Variants in SKIC3 observed in about 807,000 individuals in gnomAD.
SKIC3 encodes SKI3 subunit of superkiller complex.
At chr5:95,528,984 A>C in the SKIC3 span, 10 of 1,611,974 alleles carry the variant, frequency 6.2e-6, no homozygotes, top group Non-Finnish European at 8.5e-6. Context: ...TGTCAACCCA[A>C]AAAGTATCAA....
At chr5:95,544,790 T>C in the SKIC3 span, among the ~76,000 whole-genome samples, 3 of 152,164 alleles carry the variant, frequency 2.0e-5, no homozygotes, top group African/African-American at 7.2e-5. Flanking sequence ...AGAAAATGAT[T>C]ATCAACAATG....
the SKIC3 span, chr5:95,498,271 T>C: frequency 7.8e-7 from 1 of 1,284,834 alleles, no homozygotes; most frequent in Non-Finnish European, 1.1e-6. Context: ...TTTTCAAATG[T>C]ATATTCTTAC....
chr5:95,493,226 G>A, the SKIC3 span, among the ~76,000 whole-genome samples: 1 of 152,036 alleles, frequency 6.6e-6, no homozygotes, highest in Non-Finnish European at 1.5e-5. Context: ...ATTTTCATTG[G>A]ACTCTAAGGA....
chr5:95,546,341 AAAAAAAAAAAC>A, the SKIC3 span, among the ~76,000 whole-genome samples: 1 of 138,150 alleles, frequency 7.2e-6, no homozygotes, highest in African/African-American at 3.0e-5. Context: ...CACCATGAGA[AAAAAAAAAAAC>A]AAAAAAAAAA....
the SKIC3 span, among the ~76,000 whole-genome samples, chr5:95,514,068 G>C: frequency 6.6e-6 from 1 of 152,116 alleles, no homozygotes; most frequent in Non-Finnish European, 1.5e-5. Flanking sequence ...ATGGGAACAG[G>C]AGTTTGCCTT....
the SKIC3 span, chr5:95,537,102 T>C: frequency 4.1e-5 from 66 of 1,613,674 alleles, no homozygotes; most frequent in South Asian, 6.8e-4. Context: ...CTAGGAATCT[T>C]ATCTGATAAT....
the SKIC3 span, chr5:95,478,416 T>C: frequency 1.9e-6 from 3 of 1,613,826 alleles, no homozygotes; most frequent in African/African-American, 1.3e-5. Flanking sequence ...TCATCATTCC[T>C]TGGGATTGAT....
chr5:95,489,074 T>C, the SKIC3 span, among the ~76,000 whole-genome samples: 1 of 152,136 alleles, frequency 6.6e-6, no homozygotes, highest in Non-Finnish European at 1.5e-5. Context: ...CCCAATACTT[T>C]AGGAGGCCAA....
chr5:95,473,555 C>A, the SKIC3 span, among the ~76,000 whole-genome samples: 1 of 152,302 alleles, frequency 6.6e-6, no homozygotes, highest in Non-Finnish European at 1.5e-5. Context: ...GGATTACAGG[C>A]ATAAGCCACC....
chr5:95,477,342 T>C, the SKIC3 span, among the ~76,000 whole-genome samples: 1 of 151,946 alleles, frequency 6.6e-6, no homozygotes, highest in East Asian at 1.9e-4. Context: ...TCTACAGTAA[T>C]GGCACCAAAG....
At chr5:95,510,751 G>A in the SKIC3 span, among the ~76,000 whole-genome samples, 6 of 152,188 alleles carry the variant, frequency 3.9e-5, no homozygotes, top group South Asian at 6.2e-4. Context: ...GACTGATTTC[G>A]GTAATAATAA....
chr5:95,521,766 G>A, the SKIC3 span, among the ~76,000 whole-genome samples: 67 of 152,188 alleles, frequency 4.4e-4, no homozygotes, highest in Non-Finnish European at 8.8e-4. Flanking sequence ...CAAAATGTAA[G>A]AGTAGGGAAA....
the SKIC3 span, among the ~76,000 whole-genome samples, chr5:95,479,675 T>TTGTGTGTGTG: frequency 1.4e-5 from 2 of 143,986 alleles, no homozygotes; most frequent in Non-Finnish European, 3.1e-5. Context: ...GGAAAAAACA[T>TTGTGTGTGTG]TGTGTGTGTG....
chr5:95,493,694 T>C, the SKIC3 span, among the ~76,000 whole-genome samples: 1 of 152,092 alleles, frequency 6.6e-6, no homozygotes, highest in Non-Finnish European at 1.5e-5. Context: ...GAAGATAACA[T>C]TGAACTTGTT....
At chr5:95,498,601 T>C in the SKIC3 span, 1 of 1,609,468 alleles carries the variant, frequency 6.2e-7, no homozygotes, top group Non-Finnish European at 8.5e-7. Context: ...GCTGTAAAGA[T>C]ATTTTAAAAT....
chr5:95,516,819 G>A, the SKIC3 span: 1 of 1,573,192 alleles, frequency 6.4e-7, no homozygotes, highest in Non-Finnish European at 8.7e-7. Flanking sequence ...AGATATATGT[G>A]GTTTTATGTG....
the SKIC3 span, chr5:95,517,336 C>T: frequency 2.5e-6 from 4 of 1,609,890 alleles, no homozygotes; most frequent in African/African-American, 5.4e-5. Context: ...AAAAAAGAAA[C>T]ATTGTGATTC....
the SKIC3 span, among the ~76,000 whole-genome samples, chr5:95,504,662 G>A: frequency 1.3e-5 from 2 of 151,720 alleles, no homozygotes; most frequent in Non-Finnish European, 2.9e-5. Flanking sequence ...AGGGCATACA[G>A]ATACACTAAA....
chr5:95,467,925 T>C, the SKIC3 span: 1 of 1,613,640 alleles, frequency 6.2e-7, no homozygotes, highest in Middle Eastern at 1.7e-4. Flanking sequence ...CAACGTGCAG[T>C]TGATGCAATA....
Sources: gnomAD v4.1 joint callset for allele counts (sites outside exome capture counted in the v4.1 genomes callset) on GRCh38, gnomAD v4.1.1 for gene constraint, MANE v1.5 for transcripts, NCBI Gene and HGNC (gene_info 2026-07-23, HGNC 2026-07-21) for gene names.